The following FAT1 variants were observed in gnomAD, a reference collection of about 807,000 sequenced individuals.
FAT1 encodes the protein FAT atypical cadherin 1.
FAT1 carries 171 observed loss-of-function variants against 329.8 expected under a neutral mutation model. The ratio of observed to expected loss-of-function variants is 0.52; its 90% CI spans 0.46 to 0.59. The LOEUF (loss-of-function observed/expected upper bound fraction) is 0.59. Among genes scored for constraint, FAT1 ranks in the 20% least tolerant of loss-of-function variants. The pLI is 0.00. For missense variants in FAT1, 5,672 were observed against 5,774.4 expected, an observed-to-expected ratio of 0.98 and a Z score of 0.57; for synonymous variants, 2,233 against 2,228.6, an observed-to-expected ratio of 1.00 and a Z score of -0.06.
At chr4:186,691,275 TTAG>T (rs1302144875) in intron 2 of FAT1, among the ~76,000 whole-genome samples, 1 of 152,214 alleles carries the variant, frequency 6.6e-6, no homozygotes, top group African/African-American at 2.4e-5. Flanking sequence ...ACCGTGCTGA[TTAG>T]GTGCCTCTAG....
chr4:186,637,227 T>A (rs1740876880), intron 4 of FAT1, among the ~76,000 whole-genome samples: 1 of 152,172 alleles, frequency 6.6e-6, no homozygotes, highest in Non-Finnish European at 1.5e-5. Context: ...CACCCAAATG[T>A]TAAGCTACCA....
At chr4:186,599,617 GAAGA>G (rs1738698836) in intron 22 of FAT1, among the ~76,000 whole-genome samples, 1 of 152,200 alleles carries the variant, frequency 6.6e-6, no homozygotes, top group African/African-American at 2.4e-5. Context: ...TGGAGTTAAA[GAAGA>G]GTTCTGAGTC....
rs147056446 is a variant in FAT1 at position 186,669,329 on chromosome 4, T to C, written c.3266-5716A>G. Among the ~76,000 whole-genome samples the C allele has an allele frequency of 1.2e-3, 177 of 152,248 alleles. 1 individual carries two copies. The highest frequency in any genetic ancestry group is 4.0e-3 in the African/African-American group (165 of 41,554). On this transcript the variant is annotated intron_variant, in intron 2 of 26. Transcript: ENST00000441802. Reference sequence around the variant, plus strand: ...CTCTGTCGCCACTCCCGTCAGGAGGTTGCCGTGCACACGCAGTGAGAGCGG... The same window carrying C: ...CTCTGTCGCCACTCCCGTCAGGAGGCTGCCGTGCACACGCAGTGAGAGCGG...
chr4:186,655,316 G>C (rs1741850979), intron 3 of FAT1, among the ~76,000 whole-genome samples: 1 of 152,128 alleles, frequency 6.6e-6, no homozygotes, highest in Admixed American at 6.5e-5. Context: ...ATGAGAAGAG[G>C]TAAAAAGTAA....
In FAT1 at chr4:186,619,854, A is replaced by G. The variant is rs2126509813; in HGVS notation, c.6732T>C (p.Phe2244=). ...TCAGCTTATATGCCGGGTGGGCCTC[A>G]AAGTCCAGAGGAGCTATGACATTGA... is the stretch of plus-strand genomic sequence containing the variant. The part of the protein sequence containing the change: ...GVINVIAPLD[F]EAHPAYKLSI... The change falls in exon 10 of 27, where the codon TTT becomes TTC. Residue 2244 remains phenylalanine (F), a synonymous_variant. Transcript: ENST00000441802. 6.2e-7 allele frequency: 1 copy of G among 1,614,024 alleles called. No individual in the cohort carries two copies. The highest frequency in any genetic ancestry group is 1.1e-5 in the South Asian group (1 of 91,082).
At chr4:186,667,755 T>A (rs1002680742) in intron 2 of FAT1, among the ~76,000 whole-genome samples, 1 of 152,222 alleles carries the variant, frequency 6.6e-6, no homozygotes, top group South Asian at 2.1e-4. Flanking sequence ...ATCCCAGCTT[T>A]ACACATGAGG....
At chr4:186,637,357 G>A (rs938602550) in intron 4 of FAT1, among the ~76,000 whole-genome samples, 3 of 152,136 alleles carry the variant, frequency 2.0e-5, no homozygotes, top group Non-Finnish European at 4.4e-5. Context: ...CATATATCAT[G>A]TTAAAAATGT....
intron 24 of FAT1, 34 bp downstream of exon 24, chr4:186,597,648 G>C (rs2126398388): frequency 6.7e-7 from 1 of 1,500,694 alleles, no homozygotes; most frequent in South Asian, 1.1e-5. Flanking sequence ...GCTATGAAAA[G>C]GTATGAACCT....
At chr4:186,683,791 C>T (rs909112433) in intron 2 of FAT1, among the ~76,000 whole-genome samples, 7 of 152,054 alleles carry the variant, frequency 4.6e-5, no homozygotes, top group Non-Finnish European at 2.9e-5. Flanking sequence ...TCATTCTGCT[C>T]CCTCTGGAGT....
At chr4:186,631,759 A>G (rs554887875) in intron 7 of FAT1, among the ~76,000 whole-genome samples, 8 of 140,474 alleles carry the variant, frequency 5.7e-5, no homozygotes, top group African/African-American at 2.1e-4. Context: ...ATCCATCCCC[A>G]CAGTATCCTA....
At chr4:186,705,333 A>C (rs150408650) in intron 2 of FAT1, among the ~76,000 whole-genome samples, 62 of 151,844 alleles carry the variant, frequency 4.1e-4, no homozygotes, top group Non-Finnish European at 5.6e-4. Context: ...TGTTGACTGA[A>C]GACTCTCTTG....
intron 20 of FAT1, chr4:186,601,789 C>T (rs1738830179): frequency 6.0e-6 from 1 of 165,366 alleles, no homozygotes; most frequent in Non-Finnish European, 1.3e-5. Context: ...TCCCCATTCC[C>T]CAAAGAAGAT....
intron 5 of FAT1, 68 bp downstream of exon 5, chr4:186,636,517 G>GA (rs1477822548): frequency 3.4e-6 from 5 of 1,458,974 alleles, no homozygotes; most frequent in South Asian, 2.8e-5. Context: ...AGTTACTAAA[G>GA]AAAAAATACA....
At chr4:186,716,564 C>T (rs1355054287) in intron 1 of FAT1, among the ~76,000 whole-genome samples, 4 of 151,978 alleles carry the variant, frequency 2.6e-5, no homozygotes, top group South Asian at 2.1e-4. Context: ...GGTACCTGGG[C>T]GTACCACCAT....
intron 7 of FAT1, among the ~76,000 whole-genome samples, chr4:186,629,637 A>ACAGGGGGC (rs764475989): frequency 1.3e-5 from 2 of 152,248 alleles, no homozygotes; most frequent in Non-Finnish European, 2.9e-5. Context: ...TCCAAGCAGC[A>ACAGGGGGC]CAGGGGGCCA....
intron 3 of FAT1, among the ~76,000 whole-genome samples, chr4:186,653,832 A>C (rs889696588): frequency 2.6e-5 from 4 of 152,290 alleles, no homozygotes; most frequent in Middle Eastern, 3.4e-3. Context: ...TGTATGGCCC[A>C]CAAACCCAAA....
intron 3 of FAT1, among the ~76,000 whole-genome samples, chr4:186,649,678 G>C (rs1027246222): frequency 6.6e-6 from 1 of 152,148 alleles, no homozygotes; most frequent in Non-Finnish European, 1.5e-5. Flanking sequence ...CGCTTTCAGA[G>C]GGAGCCAGGC....
At chr4:186,674,149 C>T (rs1250019973) in intron 2 of FAT1, among the ~76,000 whole-genome samples, 2 of 152,210 alleles carry the variant, frequency 1.3e-5, no homozygotes, top group Non-Finnish European at 2.9e-5. Flanking sequence ...TTTAATATGC[C>T]ATATTGTTTA....
chr4:186,680,629 A>G (rs1049518367), intron 2 of FAT1, among the ~76,000 whole-genome samples: 1 of 152,244 alleles, frequency 6.6e-6, no homozygotes, highest in Non-Finnish European at 1.5e-5. Context: ...GTTATCTTAA[A>G]TAATCAAACC....
Sources: gnomAD v4.1 joint callset for allele counts (sites outside exome capture counted in the v4.1 genomes callset) on GRCh38, gnomAD v4.1.1 for gene constraint, MANE v1.5 for transcripts, NCBI Gene and HGNC (gene_info 2026-07-23, HGNC 2026-07-21) for gene names.